NUP210L: variants seen among roughly 807,000 people sequenced by gnomAD.
NUP210L encodes nucleoporin 210 like, also known as nuclear pore membrane glycoprotein 210-like.
Under a neutral mutation model 208.5 loss-of-function variants are expected in NUP210L, and 74 were observed. The observed-to-expected ratio is 0.35, with a 90% confidence interval of 0.29 to 0.43. NUP210L has a LOEUF of 0.43. NUP210L is among the 20% of genes least tolerant of loss of function. The pLI is 1.00. For missense variants in NUP210L, 1,843 were observed against 2,289.4 expected (o/e 0.81, Z 3.98); for synonymous variants, 780 against 816.9 (o/e 0.95, Z 0.77).
intron 32 of NUP210L, among the ~76,000 whole-genome samples, chr1:154,020,697 T>G (rs922168057): frequency 5.9e-5 from 9 of 151,898 alleles, no homozygotes; most frequent in African/African-American, 2.2e-4. Flanking sequence ...CAGCTAATTT[T>G]TGTATTTTTA....
intron 1 of NUP210L, among the ~76,000 whole-genome samples, chr1:154,153,715 G>A (rs1659531307): frequency 6.6e-6 from 1 of 152,170 alleles, no homozygotes. Flanking sequence ...CAAAGTGCTG[G>A]GATTACAGGC....
chr1:154,091,695 T>G (rs1370310609), intron 15 of NUP210L, among the ~76,000 whole-genome samples: 2 of 151,576 alleles, frequency 1.3e-5, no homozygotes, highest in African/African-American at 4.8e-5. Context: ...GAGATGGGGT[T>G]TCACCATATT....
chr1:154,144,980 C>T (rs1349206287), intron 2 of NUP210L, among the ~76,000 whole-genome samples: 2 of 151,932 alleles, frequency 1.3e-5, no homozygotes, highest in Non-Finnish European at 2.9e-5. Flanking sequence ...TGGTGGTGCA[C>T]GCCTGTAGTC....
intron 7 of NUP210L, among the ~76,000 whole-genome samples, chr1:154,132,783 A>G (rs1658323810): frequency 6.6e-6 from 1 of 152,222 alleles, no homozygotes; most frequent in Admixed American, 6.5e-5. Flanking sequence ...AAAATGTCCT[A>G]GGTACCTTAA....
chr1:154,087,147 C>T (rs956417423), intron 16 of NUP210L, among the ~76,000 whole-genome samples: 2 of 151,962 alleles, frequency 1.3e-5, no homozygotes, highest in Non-Finnish European at 1.5e-5. Flanking sequence ...TGGTGAAACC[C>T]CGTTTCTACT....
At chr1:154,099,147 A>G (rs940069895) in intron 14 of NUP210L, among the ~76,000 whole-genome samples, 1 of 152,036 alleles carries the variant, frequency 6.6e-6, no homozygotes, top group African/African-American at 2.4e-5. Context: ...TGGGTTCCCA[A>G]GAGTACAAGG....
chr1:154,039,711 T>G (rs543966605), intron 27 of NUP210L, among the ~76,000 whole-genome samples: 2 of 152,316 alleles, frequency 1.3e-5, no homozygotes, highest in East Asian at 3.9e-4. Context: ...TTGTTTCTTT[T>G]CTTCTGCTTT....
At chr1:154,083,972 A>C (rs985331043) in intron 16 of NUP210L, among the ~76,000 whole-genome samples, 1 of 151,666 alleles carries the variant, frequency 6.6e-6, no homozygotes, top group Non-Finnish European at 1.5e-5. Flanking sequence ...TAACCAGTGC[A>C]ATTTAGAGAT....
intron 25 of NUP210L, among the ~76,000 whole-genome samples, chr1:154,048,370 C>T (rs1440876999): frequency 6.6e-6 from 1 of 152,082 alleles, no homozygotes; most frequent in East Asian, 1.9e-4. Context: ...TTAGGATACA[C>T]CCCCCAGATC....
At chr1:154,074,907 C>T (rs967429031) in intron 16 of NUP210L, among the ~76,000 whole-genome samples, 1 of 152,204 alleles carries the variant, frequency 6.6e-6, no homozygotes, top group African/African-American at 2.4e-5. Flanking sequence ...TGGGCTTTTA[C>T]TGTAGTAAAC....
intron 30 of NUP210L, 66 bp downstream of exon 30, chr1:154,025,476 T>C (rs1294696351): frequency 1.8e-6 from 2 of 1,127,454 alleles, no homozygotes; most frequent in African/African-American, 3.2e-5. Context: ...AAAAAGAAAC[T>C]CTGCTTTTTA....
intron 25 of NUP210L, among the ~76,000 whole-genome samples, chr1:154,047,375 C>A (rs1335399921): frequency 6.6e-6 from 1 of 152,130 alleles, no homozygotes; most frequent in Non-Finnish European, 1.5e-5. Context: ...TGGGAACAGG[C>A]CCCCAAATCT....
At chr1:154,021,327 A>G (rs1651549890) in intron 32 of NUP210L, among the ~76,000 whole-genome samples, 1 of 152,130 alleles carries the variant, frequency 6.6e-6, no homozygotes, top group Non-Finnish European at 1.5e-5. Flanking sequence ...CTTGTATAAA[A>G]AATATAAAAA....
chr1:154,071,283 A>C (rs1557955799), intron 16 of NUP210L, among the ~76,000 whole-genome samples: 1 of 151,458 alleles, frequency 6.6e-6, no homozygotes, highest in East Asian at 1.9e-4. Flanking sequence ...AATTTTTATT[A>C]ATTTTAATTT....
intron 37 of NUP210L, chr1:153,995,541 G>A: frequency 1.5e-6 from 1 of 645,570 alleles, no homozygotes; most frequent in Non-Finnish European, 2.9e-6. Flanking sequence ...CTTCCTCTTA[G>A]ATTTCAAAGG....
At position 154,130,079 on chromosome 1, in the gene NUP210L, C is replaced by A. The variant is rs371720787; in HGVS notation, c.1010-734G>T. The stretch of plus-strand genomic sequence containing the variant: ...ACTGGCCAGGCACGGTGGCTCATGC[C>A]TGTAATCCCAGCACTTTGGGAGGCC... On this transcript the variant is annotated intron_variant, in intron 7 of 39. Transcript: ENST00000368559. 7.2e-5 allele frequency among the ~76,000 whole-genome samples: 11 copies of A among 152,208 alleles called. No individual in the cohort carries two copies. The East Asian group carries it at 2.0e-3, about 27-fold the overall frequency.
chr1:154,026,684 TGTG>T (rs1651892641), intron 29 of NUP210L, among the ~76,000 whole-genome samples: 1 of 151,974 alleles, frequency 6.6e-6, no homozygotes, highest in Non-Finnish European at 1.5e-5. Context: ...ATAAACTAAA[TGTG>T]GTATTTCCAT....
At chr1:153,994,301 T>G (rs749729583) in intron 38 of NUP210L, among the ~76,000 whole-genome samples, 96 of 152,270 alleles carry the variant, frequency 6.3e-4, no homozygotes, top group African/African-American at 2.2e-3. Flanking sequence ...GTTTGTTGCT[T>G]CTTGGTAGTA....
chr1:154,117,809 T>C (rs1331777427), exon 12 of NUP210L: 5 of 1,590,772 alleles, frequency 3.1e-6, no homozygotes, highest in Non-Finnish European at 4.3e-6. Context: ...CAGTCACCAC[T>C]CCTTTCGTGG....
Sources: gnomAD v4.1 joint callset for allele counts (sites outside exome capture counted in the v4.1 genomes callset) on GRCh38, gnomAD v4.1.1 for gene constraint, MANE v1.5 for transcripts, NCBI Gene and HGNC (gene_info 2026-07-23, HGNC 2026-07-21) for gene names.